Variants in MYBL1 observed in about 807,000 individuals in gnomAD.
The protein encoded by MYBL1 is MYB proto-oncogene like 1, also known as myb-related protein A.
A neutral mutation model predicts 96.3 loss-of-function variants in MYBL1; 17 were observed. That is an observed-to-expected ratio of 0.18 (90% CI 0.12 to 0.26). MYBL1 has a LOEUF of 0.26. MYBL1 is among the 10% of genes least tolerant of loss of function. The probability of loss-of-function intolerance (pLI) is 1.00; values close to 1 mark genes in which losing one functional copy is unlikely to be tolerated. For missense variants in MYBL1, 701 were observed against 882.9 expected, an observed-to-expected ratio of 0.79 and a Z score of 2.61; for synonymous variants, 282 against 292.7, an observed-to-expected ratio of 0.96 and a Z score of 0.37.
At position 66,609,124 on chromosome 8, in the gene MYBL1, T is replaced by C. The variant is rs375688215; in HGVS notation, c.20+3695A>G. On this transcript the variant is annotated intron_variant, in intron 1 of 15. Transcript: ENST00000522677. ...AAAATAGTTTAAGAGTAACTTTACA[T>C]TGGTGTACAAGCTAACAGGACATGA... Among the ~76,000 whole-genome samples the C allele has an allele frequency of 2.3e-4, 35 of 152,154 alleles. 1 individual carries two copies. The South Asian group carries it at 6.8e-3, about 30-fold the overall frequency.
At chr8:66,603,119 C>G (rs117296574) in intron 1 of MYBL1, among the ~76,000 whole-genome samples, 29 of 152,036 alleles carry the variant, frequency 1.9e-4, no homozygotes, top group Admixed American at 9.8e-4. Flanking sequence ...TAACCTTGTA[C>G]GTCATGTTAA....
Position 66,580,213 on chromosome 8 carries a change from G to GT in MYBL1, c.1020_1021insA (p.Leu341ThrfsTer26), listed in dbSNP as rs1209563079. ...AACACAGCGTTTGCCTCCACGGCCA[G>GT]GAACTTTGTGGGTGAATTCTGCTGA... On this transcript the variant is annotated frameshift_variant, in exon 9 of 16. Transcript: ENST00000522677. LOFTEE classifies it high-confidence loss of function. 4.3e-6 allele frequency: 7 copies of GT among 1,613,828 alleles called. No individual in the cohort carries two copies. The highest frequency in any genetic ancestry group is 5.9e-6 in the Non-Finnish European group (7 of 1,179,878).
rs1209644895 is a variant in MYBL1, at chr8:66,576,271, T to C, written c.1206A>G (p.Glu402=). ...CGTTAAATTGGCATTCCATGGCTCC[T>C]TCATTGTGCTGAATTCTCATTAATT... ...PVKLMRIQHN[E]GAMECQFNVS... The change falls in exon 10 of 16, where the codon GAA becomes GAG. Residue 402 remains glutamate (E), a synonymous_variant. Transcript: ENST00000522677. 1 of 1,614,030 alleles carries C rather than the reference T, an allele frequency of 6.2e-7. No homozygotes were observed. Among genetic ancestry groups the C allele is most frequent in the South Asian group, 1.1e-5 (1 of 91,080 alleles).
chr8:66,576,426 C>A, intron 9 of MYBL1, 51 bp from the exon 10 acceptor site: 1 of 1,526,980 alleles, frequency 6.5e-7, no homozygotes, highest in Non-Finnish European at 8.8e-7. Flanking sequence ...CTAGTTAAAT[C>A]TGCTCTTGAA....
Position 66,562,978 on chromosome 8 carries a change from C to A in MYBL1, c.*1719G>T, listed in dbSNP as rs1808382725. Reference sequence around the variant, plus strand: ...GCAAGTAGATTTAAATAGCTTAAAACCCTTTTAGGTCTACTGTTCAAGAGC... The same window carrying A: ...GCAAGTAGATTTAAATAGCTTAAAAACCTTTTAGGTCTACTGTTCAAGAGC... On this transcript the variant is annotated 3_prime_UTR_variant, in exon 16 of 16. Coordinates refer to ENST00000522677, the MANE Select transcript of MYBL1 (RefSeq NM_001080416.4). The A allele has an allele frequency of 6.6e-6, 1 of 150,648 alleles. No homozygotes were observed. The highest frequency in any genetic ancestry group is 6.6e-5 in the Admixed American group (1 of 15,040). 9.3% of individuals were successfully genotyped at this position (150,648 alleles called of 1,614,324 possible). A position where few individuals can be genotyped will look rare whatever the true frequency, so the allele number is the denominator to read the frequency against.
chr8:66,600,397 G>A (rs539391981), intron 3 of MYBL1, among the ~76,000 whole-genome samples: 28 of 152,252 alleles, frequency 1.8e-4, no homozygotes, highest in African/African-American at 6.7e-4. Flanking sequence ...GTACACCAAC[G>A]CTAATCCATT....
At chr8:66,604,206 G>A (rs1006487696) in intron 1 of MYBL1, among the ~76,000 whole-genome samples, 2 of 152,128 alleles carry the variant, frequency 1.3e-5, no homozygotes, top group African/African-American at 2.4e-5. Flanking sequence ...TTCAATAAAT[G>A]GTGTTAAGAC....
chr8:66,572,330 C>CA lies in MYBL1; in HGVS notation c.1728+151dup, dbSNP rs1304180751. ...GTAAGACTCCGTCTCAAAAAAAAAA[C>CA]AAAAAAAAAACCTTGAAAATCAAAA... On this transcript the variant is annotated intron_variant, in intron 12 of 15. Transcript: ENST00000522677. 5.5e-3 allele frequency among the ~76,000 whole-genome samples: 776 copies of CA among 141,314 alleles called. 5 individuals are homozygous for CA. Among genetic ancestry groups the CA allele is most frequent in the Middle Eastern group, 0.015 (4 of 274 alleles). The allele number at this position is 141,314 out of a possible 152,430, so 92.7% of individuals were successfully genotyped here. A position where few individuals can be genotyped will look rare whatever the true frequency, so the allele number is the denominator to read the frequency against.
At chr8:66,577,974 T>C (rs1226400904) in intron 9 of MYBL1, among the ~76,000 whole-genome samples, 2 of 152,252 alleles carry the variant, frequency 1.3e-5, no homozygotes, top group East Asian at 1.9e-4. Context: ...AAACAAGCAA[T>C]GGGGAAAGGA....
chr8:66,580,093 TA>T, intron 9 of MYBL1, 39 bp downstream of exon 9: 1 of 1,438,198 alleles, frequency 7.0e-7, no homozygotes, highest in Non-Finnish European at 9.6e-7. Context: ...ATCATATAAC[TA>T]AAATTGAACT....
chr8:66,567,526 A>AGTGAGT (rs1808552182), intron 12 of MYBL1, among the ~76,000 whole-genome samples: 1 of 146,828 alleles, frequency 6.8e-6, no homozygotes, highest in South Asian at 2.2e-4. Context: ...AGAGAGAGTG[A>AGTGAGT]GTGTGTGTGT....
intron 9 of MYBL1, among the ~76,000 whole-genome samples, chr8:66,579,093 G>T (rs1809092068): frequency 6.6e-6 from 1 of 151,948 alleles, no homozygotes; most frequent in Admixed American, 6.6e-5. Context: ...GATGGGGGGA[G>T]TGGGGAGGGA....
chr8:66,607,461 A>G lies in MYBL1; in HGVS notation c.21-4938T>C, dbSNP rs555309005. ...TCACCTCTCAGGACTAACTAAGCAC[A>G]GTACCTGCCACTCAAATATTTGTAA... On this transcript the variant is annotated intron_variant, in intron 1 of 15. Transcript: ENST00000522677. Among the ~76,000 whole-genome samples, 3 of 152,318 alleles carry G rather than the reference A, an allele frequency of 2.0e-5. 1 individual carries two copies. Among genetic ancestry groups the G allele is most frequent in the African/African-American group, 7.2e-5 (3 of 41,582 alleles).
At chr8:66,589,542 G>A (rs1156785570) in intron 8 of MYBL1, among the ~76,000 whole-genome samples, 1 of 152,062 alleles carries the variant, frequency 6.6e-6, no homozygotes, top group South Asian at 2.1e-4. Context: ...GTGCAGGGGT[G>A]TGATAACTGC....
intron 1 of MYBL1, 114 bp downstream of exon 1, chr8:66,612,705 A>G (rs1259936395): frequency 2.4e-6 from 3 of 1,227,206 alleles, no homozygotes; most frequent in Non-Finnish European, 3.2e-6. Flanking sequence ...CGCGGGAAGA[A>G]AAACCTCTGC....
chr8:66,589,905 AC>A (rs1809571257), intron 8 of MYBL1, among the ~76,000 whole-genome samples: 1 of 152,284 alleles, frequency 6.6e-6, no homozygotes, highest in South Asian at 2.1e-4. Flanking sequence ...TCTCGTCTCT[AC>A]AAAAAGTATT....
At chr8:66,584,814 T>C (rs1005245659) in intron 8 of MYBL1, among the ~76,000 whole-genome samples, 2 of 151,376 alleles carry the variant, frequency 1.3e-5, no homozygotes, top group Non-Finnish European at 3.0e-5. Context: ...ATAAAATACG[T>C]AGGATAAATT....
chr8:66,595,502 G>A lies in MYBL1; in HGVS notation c.687+81C>T, dbSNP rs575001470. 2.6e-4 allele frequency: 204 copies of A among 797,114 alleles called. No individual in the cohort carries two copies. In the African/African-American group the frequency reaches 3.3e-3, roughly 13 times the overall value. 49.4% of individuals were successfully genotyped at this position (797,114 alleles called of 1,614,324 possible). A position where few individuals can be genotyped will look rare whatever the true frequency, so the allele number is the denominator to read the frequency against. ...TTACCCCTTAATACGCATTGTATTT[G>A]TCCTATTAAGAAACCAAACATCTTC... On this transcript the variant is annotated intron_variant, in intron 6 of 15. Transcript: ENST00000522677.
At chr8:66,567,742 C>A (rs1253620321) in intron 12 of MYBL1, among the ~76,000 whole-genome samples, 1 of 151,960 alleles carries the variant, frequency 6.6e-6, no homozygotes, top group Non-Finnish European at 1.5e-5. Flanking sequence ...GTAATAAAAC[C>A]TCTACTAAAT....
Sources: gnomAD v4.1 joint callset for allele counts (sites outside exome capture counted in the v4.1 genomes callset) on GRCh38, gnomAD v4.1.1 for gene constraint, MANE v1.5 for transcripts, NCBI Gene and HGNC (gene_info 2026-07-23, HGNC 2026-07-21) for gene names.